Variants in SPATA13 observed in about 807,000 individuals in gnomAD.
SPATA13 encodes the protein spermatogenesis-associated protein 13.
In SPATA13, 50 loss-of-function variants were observed where a neutral mutation model predicts 104.0. The observed-to-expected ratio is 0.48, with a 90% CI of 0.38 to 0.61. SPATA13 has a LOEUF of 0.61. Ranked by LOEUF, SPATA13 falls within the 20% of genes least tolerant of loss-of-function variation. SPATA13 has a pLI of 0.00. For synonymous variants in SPATA13, 606 were observed against 667.5 expected (o/e 0.91, Z 1.42); for missense variants, 1,524 against 1,690.6 (o/e 0.90, Z 1.73).
At chr13:24,145,612 G>T (rs958615700) in intron 3 of SPATA13, among the ~76,000 whole-genome samples, 1 of 152,238 alleles carries the variant, frequency 6.6e-6, no homozygotes, top group Non-Finnish European at 1.5e-5. Context: ...GAACAAAGCA[G>T]GGACTGGGGA....
chr13:24,275,825 T>C (rs1042795173), intron 4 of SPATA13, among the ~76,000 whole-genome samples: 1 of 152,168 alleles, frequency 6.6e-6, no homozygotes, highest in African/African-American at 2.4e-5. Context: ...TCTCAGCTAC[T>C]CGGTAGTCTT....
intron 3 of SPATA13, among the ~76,000 whole-genome samples, chr13:24,030,900 A>G (rs1877450058): frequency 6.6e-6 from 1 of 152,190 alleles, no homozygotes; most frequent in Admixed American, 6.5e-5. Flanking sequence ...TTCTAATTTT[A>G]CAGAGAACCC....
chr13:24,206,412 A>G (rs1369181388), intron 1 of SPATA13, among the ~76,000 whole-genome samples: 1 of 152,212 alleles, frequency 6.6e-6, no homozygotes, highest in African/African-American at 2.4e-5. Flanking sequence ...TCAAAAAACA[A>G]CAGATGCTGG....
chr13:24,176,867 G>A (rs983179462), intron 1 of SPATA13, among the ~76,000 whole-genome samples: 3 of 152,050 alleles, frequency 2.0e-5, no homozygotes, highest in Admixed American at 6.6e-5. Flanking sequence ...GGGTTCAAGG[G>A]CTTCTTGTGC....
At chr13:24,074,979 G>A (rs896590910) in intron 3 of SPATA13, among the ~76,000 whole-genome samples, 2 of 152,220 alleles carry the variant, frequency 1.3e-5, no homozygotes, top group African/African-American at 4.8e-5. Flanking sequence ...TTGATGCAAA[G>A]TAAGTTACAG....
intron 2 of SPATA13, among the ~76,000 whole-genome samples, chr13:24,009,510 A>T (rs1876375161): frequency 6.6e-6 from 1 of 152,244 alleles, no homozygotes; most frequent in African/African-American, 2.4e-5. Context: ...AAAGACATGT[A>T]AAGATGTACA....
chr13:24,187,639 ATC>A (rs2138536252), intron 1 of SPATA13, among the ~76,000 whole-genome samples: 1 of 152,270 alleles, frequency 6.6e-6, no homozygotes, highest in African/African-American at 2.4e-5. Flanking sequence ...AAATTATTAT[ATC>A]TGTTATGGTA....
intron 3 of SPATA13, among the ~76,000 whole-genome samples, chr13:24,111,685 C>T (rs1317264020): frequency 6.6e-6 from 1 of 152,244 alleles, no homozygotes; most frequent in African/African-American, 2.4e-5. Flanking sequence ...GAATTATAGA[C>T]ATGAGCCGCC....
chr13:24,033,615 C>T (rs961678194), intron 3 of SPATA13: 2 of 152,490 alleles, frequency 1.3e-5, no homozygotes, highest in Admixed American at 1.3e-4. Flanking sequence ...GATCCTTGCC[C>T]AGCCTGCAGT....
At chr13:24,249,442 A>T (rs893388021) in intron 2 of SPATA13, 35 bp from the exon 3 acceptor site, 1 of 1,480,786 alleles carries the variant, frequency 6.8e-7, no homozygotes. Flanking sequence ...ACCTTCCTGG[A>T]TATTGAGCTC....
chr13:24,051,781 C>A lies in SPATA13; in HGVS notation c.-112+34080C>A, dbSNP rs2137742173. On this transcript the variant is annotated intron_variant, in intron 3 of 14. Transcript: ENST00000424834. This position sits in a 1 kb window ranked among gnomAD's most constrained non-coding sequence, Gnocchi z 4.2. The stretch of plus-strand genomic sequence containing the variant: ...CAGAGGCAGCAGTGCTATCAAAAGT[C>A]TAGGCTGCAAGAGCCTGCTAAGAGT... Among the ~76,000 whole-genome samples, 1 of 152,292 alleles carries A rather than the reference C, an allele frequency of 6.6e-6. No homozygotes were observed. The highest frequency in any genetic ancestry group is 2.4e-5 in the African/African-American group (1 of 41,568).
chr13:23,997,215 G>T (rs1035468770), intron 2 of SPATA13, among the ~76,000 whole-genome samples: 4 of 152,128 alleles, frequency 2.6e-5, no homozygotes, highest in Admixed American at 1.3e-4. Context: ...ATTTGTTAAG[G>T]TATAATGGGC....
intron 3 of SPATA13, among the ~76,000 whole-genome samples, chr13:24,113,515 A>G (rs999552845): frequency 2.0e-5 from 3 of 152,138 alleles, no homozygotes; most frequent in Non-Finnish European, 4.4e-5. Context: ...GAGGCATGAG[A>G]ATCGCTAAGA....
At chr13:24,010,167 A>G (rs985714522) in intron 2 of SPATA13, among the ~76,000 whole-genome samples, 3 of 152,240 alleles carry the variant, frequency 2.0e-5, no homozygotes, top group African/African-American at 7.2e-5. Context: ...TTTTGGATCT[A>G]TGATCAGCCT....
intron 3 of SPATA13, among the ~76,000 whole-genome samples, chr13:24,067,604 T>C (rs1030471755): frequency 2.0e-5 from 3 of 152,250 alleles, no homozygotes; most frequent in Non-Finnish European, 2.9e-5. Flanking sequence ...AATATTTCTT[T>C]TGAAGTTAAC....
chr13:24,023,060 G>A (rs2137703040), intron 3 of SPATA13, among the ~76,000 whole-genome samples: 1 of 152,116 alleles, frequency 6.6e-6, no homozygotes, highest in East Asian at 1.9e-4. Flanking sequence ...ATTTACATTA[G>A]GTATTTCTCC....
intron 1 of SPATA13, among the ~76,000 whole-genome samples, chr13:24,220,133 T>G (rs544119310): frequency 3.3e-5 from 5 of 152,278 alleles, no homozygotes; most frequent in African/African-American, 1.2e-4. Flanking sequence ...CAGTAGATGC[T>G]CATGAAGTGG....
chr13:24,015,872 C>T (rs529478090), intron 2 of SPATA13, among the ~76,000 whole-genome samples: 3 of 152,296 alleles, frequency 2.0e-5, no homozygotes, highest in Non-Finnish European at 4.4e-5. Context: ...GTTGTTGGTT[C>T]TTAGAAATAA....
At chr13:24,149,009 G>C (rs1326206204) in intron 3 of SPATA13, among the ~76,000 whole-genome samples, 2 of 152,206 alleles carry the variant, frequency 1.3e-5, no homozygotes, top group South Asian at 2.1e-4. Context: ...AGGAATGTAG[G>C]CTCCGTCCAC....
Sources: allele counts gnomAD v4.1 joint callset (sites outside exome capture counted in the v4.1 genomes callset), GRCh38; gene constraint gnomAD v4.1.1; non-coding constraint Gnocchi (gnomAD v3.1); transcripts MANE v1.5; gene names NCBI Gene and HGNC (gene_info 2026-07-23, HGNC 2026-07-21).